Variants in DHX34 observed in about 807,000 individuals in gnomAD.
DHX34 encodes the protein DExH-box helicase 34, also known as probable ATP-dependent RNA helicase DHX34.
In DHX34, 96 loss-of-function variants were observed where a neutral mutation model predicts 111.1. The ratio of observed to expected loss-of-function variants is 0.86; its 90% confidence interval spans 0.73 to 1.02. The LOEUF is 1.02. Ranked by LOEUF, DHX34 falls within the 50% of genes least tolerant of loss-of-function variation. DHX34 has a pLI of 0.00. For missense variants in DHX34, 1,560 were observed against 1,579.9 expected (o/e 0.99, Z 0.21); for synonymous variants, 688 against 670.4 (o/e 1.03, Z -0.41).
At chr19:47,379,668 C>T (rs773293589) in intron 13 of DHX34, 42 bp from the exon 14 acceptor site, 1 of 1,557,620 alleles carries the variant, frequency 6.4e-7, no homozygotes, top group Non-Finnish European at 8.7e-7. Context: ...TAGCGCCCTG[C>T]CCCTCCCACC....
intron 4 of DHX34, among the ~76,000 whole-genome samples, chr19:47,358,944 G>A (rs1313990747): frequency 6.6e-6 from 1 of 152,014 alleles, no homozygotes; most frequent in Non-Finnish European, 1.5e-5. Context: ...AATTTTAGTA[G>A]CAAAGAGGTC....
intron 7 of DHX34, among the ~76,000 whole-genome samples, 170 bp downstream of exon 7, chr19:47,367,325 C>T (rs1969822372): frequency 6.6e-6 from 1 of 152,140 alleles, no homozygotes; most frequent in South Asian, 2.1e-4. Flanking sequence ...TAGCAGTGGA[C>T]AGAACAGACA....
Position 47,353,098 on chromosome 19 carries a change from A to G in DHX34, c.68A>G (p.Glu23Gly). The G allele has an allele frequency of 6.2e-7, 1 of 1,614,146 alleles. No homozygotes were observed. The highest frequency in any genetic ancestry group is 1.1e-5 in the South Asian group (1 of 91,080). ...CACCACCGGGCTCCCAGCGAGGAAG[A>G]GGCCTTGGAGAAATGGGACTGGAAT... Reference protein sequence around the residue: ...RDHHRAPSEEEALEKWDWNCP... With the variant: ...RDHHRAPSEEGALEKWDWNCP... Residue 23 changes from glutamate (E) to glycine (G), a missense_variant, in exon 2 of 17, where the codon GAG (glutamate) becomes GGG (glycine). Physicochemically the swap from Glu to Gly is moderately conservative, Grantham distance 98. Coordinates refer to ENST00000328771, the MANE Select transcript of DHX34 (RefSeq NM_014681.6). This position sits in a 1 kb window ranked among gnomAD's most constrained non-coding sequence, Gnocchi z 4.6.
In DHX34 at chr19:47,379,939, A is replaced by AG. The variant is rs1970301322; in HGVS notation, c.2938dup (p.Val980GlyfsTer66). Reference sequence around the variant, plus strand: ...GAGGATACGCCAGTCAGCCCCAAGGAGGTGGCCACCCTGAGCAAGGAACTC... The same window carrying AG: ...GAGGATACGCCAGTCAGCCCCAAGGAGGGTGGCCACCCTGAGCAAGGAACTC... On this transcript the variant is annotated frameshift_variant, in exon 14 of 17. Coordinates refer to ENST00000328771, the MANE Select transcript of DHX34 (RefSeq NM_014681.6). LOFTEE classifies it high-confidence loss of function. 1 of 1,604,374 alleles carries AG rather than the reference A, an allele frequency of 6.2e-7. No homozygotes were observed. Among genetic ancestry groups the AG allele is most frequent in the Non-Finnish European group, 8.5e-7 (1 of 1,172,226 alleles).
At chr19:47,374,165 G>A (rs112997946) in intron 9 of DHX34, among the ~76,000 whole-genome samples, 3,093 of 152,264 alleles carry the variant, frequency 0.02, 44 homozygotes, top group Middle Eastern at 0.041. Flanking sequence ...CCAGCCGGGC[G>A]TGGTGGCTCA....
chr19:47,350,601 G>T (rs1969256398), intron 1 of DHX34, among the ~76,000 whole-genome samples: 1 of 152,042 alleles, frequency 6.6e-6, no homozygotes, highest in South Asian at 2.1e-4. Context: ...TGTATTTTTA[G>T]TAGAGACGGG....
chr19:47,364,628 C>T (rs909668682), intron 6 of DHX34, among the ~76,000 whole-genome samples: 15 of 151,634 alleles, frequency 9.9e-5, no homozygotes, highest in Admixed American at 2.0e-4. Flanking sequence ...TGTGGTCCCA[C>T]GCAGGAGGCT....
rs1485295261 is a variant in DHX34 at position 47,355,970 on chromosome 19, TC to T, written c.1017+622del. On this transcript the variant is annotated intron_variant, in intron 3 of 16. Coordinates refer to ENST00000328771, the MANE Select transcript of DHX34 (RefSeq NM_014681.6). ...TCTGTTCCATGTGGTCATTCAGGGA[TC>T]CGGGCTCCTCCTTTGTCATTACTCT... is the stretch of plus-strand genomic sequence containing the variant. Among the ~76,000 whole-genome samples, 6 of 152,178 alleles carry T rather than the reference TC, an allele frequency of 3.9e-5. No individual in the cohort carries two copies. The East Asian group carries it at 1.2e-3, about 29-fold the overall frequency.
intron 6 of DHX34, 108 bp downstream of exon 6, chr19:47,362,801 T>C (rs761024144): frequency 2.9e-5 from 32 of 1,090,692 alleles, no homozygotes; most frequent in Non-Finnish European, 3.9e-5. Context: ...GATAGCGTCT[T>C]GCTCTGTCAC....
At chr19:47,371,367 G>C (rs1969960836) in intron 7 of DHX34, among the ~76,000 whole-genome samples, 1 of 152,234 alleles carries the variant, frequency 6.6e-6, no homozygotes, top group South Asian at 2.1e-4. Context: ...CTCTGTGCCA[G>C]GTGGAGTTCT....
chr19:47,372,082 G>A (rs1290413097), intron 7 of DHX34, among the ~76,000 whole-genome samples: 2 of 150,928 alleles, frequency 1.3e-5, no homozygotes, highest in African/African-American at 2.4e-5. Context: ...CCTGGGAGAC[G>A]GTTCCTGCCA....
intron 11 of DHX34, 99 bp from the exon 12 acceptor site, chr19:47,376,344 C>T: frequency 6.5e-7 from 1 of 1,541,968 alleles, no homozygotes; most frequent in Non-Finnish European, 8.7e-7. Flanking sequence ...GGGAGGGCTT[C>T]CTGGAGGAGG....
rs559176770 is a variant in DHX34, at chr19:47,356,042, T to A, written c.1017+692T>A. ...TTCTCAAAGTCAGCAAGATTGACATTTCAGTCTGGATAATTCCTTGTCGTG... is the reference window on the plus strand; with the variant it reads ...TTCTCAAAGTCAGCAAGATTGACATATCAGTCTGGATAATTCCTTGTCGTG... On this transcript the variant is annotated intron_variant, in intron 3 of 16. Coordinates refer to ENST00000328771, the MANE Select transcript of DHX34 (RefSeq NM_014681.6). 2.0e-5 allele frequency among the ~76,000 whole-genome samples: 3 copies of A among 152,292 alleles called. No individual in the cohort carries two copies. The East Asian group carries it at 5.8e-4, about 29-fold the overall frequency.
chr19:47,372,695 A>T, intron 7 of DHX34, 35 bp from the exon 8 acceptor site: 1 of 1,542,702 alleles, frequency 6.5e-7, no homozygotes, highest in Non-Finnish European at 8.8e-7. Context: ...CTGTCCTGGC[A>T]CCCAGGAGCC....
chr19:47,379,601 C>T lies in DHX34; in HGVS notation c.2707-109C>T, dbSNP rs148309104. ...GTAGATGGCGGGTAGGTGGATGCCT[C>T]ACATAGACAGGGCTGGTGGGTGGGC... On this transcript the variant is annotated intron_variant, in intron 13 of 16. Coordinates refer to ENST00000328771, the MANE Select transcript of DHX34 (RefSeq NM_014681.6). The T allele has an allele frequency of 5.1e-4, 768 of 1,491,378 alleles. 7 individuals are homozygous for T. The East Asian group carries it at 8.5e-3, about 16-fold the overall frequency. 92.4% of individuals were successfully genotyped at this position (1,491,378 alleles called of 1,614,324 possible).
At chr19:47,375,890 C>T (rs1397296245) in intron 10 of DHX34, 34 bp from the exon 11 acceptor site, 3 of 1,572,508 alleles carry the variant, frequency 1.9e-6, no homozygotes, top group Non-Finnish European at 2.6e-6. Context: ...CCCCTCAGGT[C>T]CCCTAAGACT....
At chr19:47,355,735 C>G (rs533644103) in intron 3 of DHX34, among the ~76,000 whole-genome samples, 8 of 151,976 alleles carry the variant, frequency 5.3e-5, no homozygotes, top group Non-Finnish European at 1.2e-4. Context: ...GCCTGTAGTC[C>G]CAGCTACTCG....
In DHX34 at chr19:47,353,409, G is replaced by T. The variant is rs375987145; in HGVS notation, c.379G>T (p.Ala127Ser). The T allele has an allele frequency of 6.2e-7, 1 of 1,614,194 alleles. No individual in the cohort carries two copies. Among genetic ancestry groups the T allele is most frequent in the Non-Finnish European group, 8.5e-7 (1 of 1,180,042 alleles). ...GSQGLGRHLP[A>S]ERVAEFRRAL... is the part of the protein sequence containing the mutation. ...TCAGGGACTGGGCAGGCACTTGCCC[G>T]CGGAGAGAGTGGCTGAGTTCCGCCG... The change falls in exon 2 of 17, where the codon GCG (alanine) becomes TCG (serine). Residue 127 changes from alanine to serine, a missense_variant. Coordinates refer to ENST00000328771, the MANE Select transcript of DHX34 (RefSeq NM_014681.6). This position sits in a 1 kb window ranked among gnomAD's most constrained non-coding sequence, Gnocchi z 4.6.
At chr19:47,373,495 G>A (rs1970033807) in intron 8 of DHX34, 104 bp from the exon 9 acceptor site, 1 of 1,486,140 alleles carries the variant, frequency 6.7e-7, no homozygotes, top group Non-Finnish European at 8.9e-7. Flanking sequence ...AGGAGAGCAG[G>A]TGTCCCTGAG....
Sources: allele counts gnomAD v4.1 joint callset (sites outside exome capture counted in the v4.1 genomes callset), GRCh38; gene constraint gnomAD v4.1.1; non-coding constraint Gnocchi (gnomAD v3.1); transcripts MANE v1.5; gene names NCBI Gene and HGNC (gene_info 2026-07-23, HGNC 2026-07-21).